Variants in ZNF124 observed in about 807,000 individuals in gnomAD.
ZNF124 encodes zinc finger protein HZF-16.
A neutral mutation model predicts 26.6 loss-of-function variants in ZNF124; 25 were observed. The observed-to-expected ratio is 0.94, with a 90% CI of 0.68 to 1.31. The LOEUF (loss-of-function observed/expected upper bound fraction) is 1.31, where lower values mean the gene tolerates loss of function less well. Among genes scored for constraint, ZNF124 ranks in the 40% most tolerant of loss-of-function variants. The pLI is 0.00. For synonymous variants in ZNF124, 129 were observed against 133.3 expected, an observed-to-expected ratio of 0.97 and a Z score of 0.22; for missense variants, 444 against 422.2, an observed-to-expected ratio of 1.05 and a Z score of -0.45.
Position 247,156,340 on chromosome 1 carries a change from A to G in ZNF124, c.*226T>C, listed in dbSNP as rs1673127524. ...AGGCCTTACCACATTTTAAACATTC[A>G]TATGGATTTTCTTCAGTGAGTCCTT... On this transcript the variant is annotated 3_prime_UTR_variant, in exon 4 of 4. Transcript: ENST00000543802. 1.6e-6 allele frequency: 2 copies of G among 1,232,082 alleles called. No homozygotes were observed. Among genetic ancestry groups the G allele is most frequent in the Non-Finnish European group, 2.0e-6 (2 of 987,146 alleles). 76.3% of individuals were successfully genotyped at this position (1,232,082 alleles called of 1,614,324 possible).
intron 3 of ZNF124, among the ~76,000 whole-genome samples, chr1:247,137,253 C>T (rs1672505731): frequency 6.6e-6 from 1 of 151,372 alleles, no homozygotes; most frequent in Non-Finnish European, 1.5e-5. Context: ...CAGCCATATG[C>T]AGAAAATGGA....
chr1:247,130,630 C>T (rs1672330040), intron 3 of ZNF124, among the ~76,000 whole-genome samples: 1 of 152,184 alleles, frequency 6.6e-6, no homozygotes, highest in African/African-American at 2.4e-5. Flanking sequence ...TAAATAATTA[C>T]ATGACTTGTT....
chr1:247,148,326 T>C (rs1315779240), intron 3 of ZNF124, among the ~76,000 whole-genome samples: 2 of 152,242 alleles, frequency 1.3e-5, no homozygotes, highest in Non-Finnish European at 2.9e-5. Flanking sequence ...GTGAAGAATC[T>C]TTCTACTTTC....
downstream of ZNF124, among the ~76,000 whole-genome samples, chr1:247,150,390 T>C (rs1478984442): frequency 6.6e-6 from 1 of 152,192 alleles, no homozygotes; most frequent in African/African-American, 2.4e-5. Flanking sequence ...AACAGAATTA[T>C]ACAGTCTTCA....
intron 3 of ZNF124, among the ~76,000 whole-genome samples, chr1:247,130,360 C>A (rs1400926445): frequency 1.3e-5 from 2 of 152,060 alleles, no homozygotes; most frequent in Non-Finnish European, 2.9e-5. Context: ...TTTGGGAATG[C>A]TACCAGGGAA....
intron 3 of ZNF124, among the ~76,000 whole-genome samples, chr1:247,136,711 C>T (rs566860669): frequency 6.6e-6 from 1 of 152,222 alleles, no homozygotes; most frequent in Admixed American, 6.5e-5. Flanking sequence ...CTTTAGGAGG[C>T]CAAGGCGGGT....
At chr1:247,143,430 C>T (rs763138836) in intron 3 of ZNF124, among the ~76,000 whole-genome samples, 9 of 152,052 alleles carry the variant, frequency 5.9e-5, no homozygotes, top group African/African-American at 9.7e-5. Context: ...CGGAAGGTGA[C>T]GGATGAACAT....
intron 3 of ZNF124, among the ~76,000 whole-genome samples, chr1:247,149,583 CAGAA>C (rs776249131): frequency 3.0e-4 from 45 of 152,262 alleles, no homozygotes; most frequent in Non-Finnish European, 4.6e-4. Flanking sequence ...AAGTCAGACA[CAGAA>C]AGACAAATGT....
intron 1 of ZNF124, among the ~76,000 whole-genome samples, chr1:247,161,248 A>C (rs953181273): frequency 1.3e-5 from 2 of 152,242 alleles, no homozygotes; most frequent in Non-Finnish European, 2.9e-5. Context: ...AGAGAAAGGC[A>C]TATAGTCTTT....
At chr1:247,149,521 AAAG>A (rs1169835513) in intron 3 of ZNF124, among the ~76,000 whole-genome samples, 6 of 152,254 alleles carry the variant, frequency 3.9e-5, no homozygotes, top group South Asian at 2.1e-4. Context: ...CAGCCATAAA[AAAG>A]AATAAAGTCA....
intron 3 of ZNF124, among the ~76,000 whole-genome samples, chr1:247,137,647 G>A (rs1037185032): frequency 5.3e-5 from 8 of 151,966 alleles, no homozygotes; most frequent in Non-Finnish European, 1.2e-4. Context: ...CACAGCAAAA[G>A]AAACTGTCCT....
At chr1:247,130,912 T>C (rs945435118) in intron 3 of ZNF124, among the ~76,000 whole-genome samples, 2 of 152,118 alleles carry the variant, frequency 1.3e-5, no homozygotes, top group African/African-American at 2.4e-5. Flanking sequence ...CTATCTCTAC[T>C]AAAGATACGA....
In ZNF124 at chr1:247,159,076, A is replaced by C. The variant is rs1673328378; in HGVS notation, c.158-10T>G. 32 of 1,608,202 alleles carry C rather than the reference A, an allele frequency of 2.0e-5. No individual in the cohort carries two copies. Among genetic ancestry groups the C allele is most frequent in the Non-Finnish European group, 2.7e-5 (32 of 1,177,562 alleles). Reference sequence around the variant, plus strand: ...TCTTCCCCTTTGTTTCCTAAAATGTAGACCCAGAAATATATTACAAATTAT... The same window carrying C: ...TCTTCCCCTTTGTTTCCTAAAATGTCGACCCAGAAATATATTACAAATTAT... On this transcript the variant is annotated splice_polypyrimidine_tract_variant and intron_variant, in intron 2 of 3. Transcript: ENST00000543802.
chr1:247,153,820 G>A (rs1010840173), downstream of ZNF124, among the ~76,000 whole-genome samples: 1 of 152,136 alleles, frequency 6.6e-6, no homozygotes, highest in Non-Finnish European at 1.5e-5. Flanking sequence ...TAGAATGCTG[G>A]TGAGCAGCCA....
Position 247,161,359 on chromosome 1 carries a change from C to T in ZNF124, c.31-1546G>A, listed in dbSNP as rs77219444. ...ACTTTAAACATGGAACAAAGCTAAC[C>T]GGTATTTAATTGGGAAAAAAATGAA... On this transcript the variant is annotated intron_variant, in intron 1 of 3. Coordinates refer to ENST00000543802, the MANE Select transcript of ZNF124 (RefSeq NM_001297568.2). 1.6e-4 allele frequency among the ~76,000 whole-genome samples: 25 copies of T among 152,094 alleles called. 1 individual carries two copies. Among genetic ancestry groups the T allele is most frequent in the Non-Finnish European group, 2.2e-4 (15 of 67,956 alleles).
intron 3 of ZNF124, among the ~76,000 whole-genome samples, chr1:247,148,860 C>T (rs569280548): frequency 2.2e-4 from 34 of 152,022 alleles, no homozygotes; most frequent in African/African-American, 7.5e-4. Context: ...GGCCCAGCTA[C>T]TCTGGAGGCT....
chr1:247,159,981 T>C, intron 1 of ZNF124, 168 bp from the exon 2 acceptor site: 1 of 182,298 alleles, frequency 5.5e-6, no homozygotes, highest in Non-Finnish European at 8.2e-6. Context: ...TAGCAGTTCT[T>C]TTTTTTTTTT....
chr1:247,154,938 A>G (rs1218658492), downstream of ZNF124, among the ~76,000 whole-genome samples: 2 of 125,050 alleles, frequency 1.6e-5, no homozygotes, highest in African/African-American at 6.2e-5. Flanking sequence ...AAAAACTTCA[A>G]CAACACTTGA....
At chr1:247,136,906 C>T (rs9803828) in intron 3 of ZNF124, among the ~76,000 whole-genome samples, 46,541 of 150,928 alleles carry the variant, frequency 0.31, 8,073 homozygotes, top group African/African-American at 0.47. Flanking sequence ...AAGATCATGC[C>T]ACCGCACTCT....
Sources: gnomAD v4.1 joint callset for allele counts (sites outside exome capture counted in the v4.1 genomes callset) on GRCh38, gnomAD v4.1.1 for gene constraint, MANE v1.5 for transcripts, NCBI Gene and HGNC (gene_info 2026-07-23, HGNC 2026-07-21) for gene names.